The following TRIM67 variants were observed in gnomAD, a reference collection of about 807,000 sequenced individuals.
TRIM67 encodes tripartite motif containing 67.
Under a neutral mutation model 71.0 loss-of-function variants are expected in TRIM67, and 39 were observed. That is an observed-to-expected ratio of 0.55 (90% CI 0.43 to 0.72). TRIM67 has a LOEUF of 0.72. TRIM67 is among the 30% of genes least tolerant of loss of function. The probability of loss-of-function intolerance (pLI) is 0.00; values close to 1 mark genes in which losing one functional copy is unlikely to be tolerated. For synonymous variants in TRIM67, 481 were observed against 473.9 expected (o/e 1.01, Z -0.19); for missense variants, 973 against 1,079.2 (o/e 0.90, Z 1.38).
At chr1:231,200,445 G>T (rs527954010) in intron 4 of TRIM67, among the ~76,000 whole-genome samples, 187 bp downstream of exon 4, 42 of 152,308 alleles carry the variant, frequency 2.8e-4, no homozygotes, top group African/African-American at 8.9e-4. Flanking sequence ...ACCTAATTTT[G>T]CAGCATGCAT....
At chr1:231,208,919 C>G (rs1683785913) in intron 7 of TRIM67, 28 bp from the exon 8 acceptor site, 1 of 1,544,458 alleles carries the variant, frequency 6.5e-7, no homozygotes, top group South Asian at 1.2e-5. Context: ...TCCCCTGACC[C>G]TGCTCCTCTC....
At chr1:231,166,910 C>T (rs182964824) in intron 1 of TRIM67, among the ~76,000 whole-genome samples, 1 of 152,234 alleles carries the variant, frequency 6.6e-6, no homozygotes, top group African/African-American at 2.4e-5. Flanking sequence ...TACAGGAGAG[C>T]TTTTGGTTGT....
rs542328782 is a variant in TRIM67 at position 231,202,831 on chromosome 1, A to G, written c.1535-1036A>G. The stretch of plus-strand genomic sequence containing the variant: ...GAGCCTGGCAGAGTGGATGAGCTGC[A>G]GTGGAAGAGAGAGGTCCCCTTGGAA... On this transcript the variant is annotated intron_variant, in intron 5 of 9. Coordinates refer to ENST00000366653, the MANE Select transcript of TRIM67 (RefSeq NM_001004342.5). Among the ~76,000 whole-genome samples the G allele has an allele frequency of 1.7e-4, 26 of 152,308 alleles. No homozygotes were observed. In the South Asian group the frequency reaches 4.6e-3, roughly 27 times the overall value.
At chr1:231,191,749 A>G (rs1186375202) in intron 1 of TRIM67, among the ~76,000 whole-genome samples, 1 of 152,222 alleles carries the variant, frequency 6.6e-6, no homozygotes, top group Admixed American at 6.5e-5. Context: ...TGCCCTAGAA[A>G]CAGTAGGTTT....
intron 1 of TRIM67, among the ~76,000 whole-genome samples, chr1:231,182,679 T>C (rs1682939090): frequency 6.6e-6 from 1 of 152,186 alleles, no homozygotes; most frequent in African/African-American, 2.4e-5. Context: ...GGCTTGCATC[T>C]TGAGGGTGGG....
At chr1:231,179,004 T>C (rs565201620) in intron 1 of TRIM67, among the ~76,000 whole-genome samples, 2 of 152,362 alleles carry the variant, frequency 1.3e-5, no homozygotes, top group Non-Finnish European at 1.5e-5. Flanking sequence ...TGAATATATA[T>C]GTAAGGGTAT....
intron 1 of TRIM67, among the ~76,000 whole-genome samples, chr1:231,173,514 G>A (rs1682665185): frequency 1.3e-5 from 2 of 152,214 alleles, no homozygotes; most frequent in Admixed American, 6.5e-5. Flanking sequence ...GATTCTGAAG[G>A]CAGCACATTT....
intron 1 of TRIM67, among the ~76,000 whole-genome samples, chr1:231,177,351 C>T (rs1449133033): frequency 6.6e-6 from 1 of 152,216 alleles, no homozygotes; most frequent in Non-Finnish European, 1.5e-5. Flanking sequence ...ATTGTTGTTA[C>T]AAGAGACCGG....
intron 1 of TRIM67, chr1:231,187,495 G>T: frequency 1.3e-6 from 2 of 1,503,768 alleles, no homozygotes; most frequent in Non-Finnish European, 1.8e-6. Context: ...ATCAGCCACA[G>T]GTTAAAAAAA....
At chr1:231,193,503 G>GCGCTCTCTCTCTCTCTCTCT (rs1683287533) in intron 1 of TRIM67, among the ~76,000 whole-genome samples, 4 of 81,946 alleles carry the variant, frequency 4.9e-5, no homozygotes, top group Admixed American at 1.6e-4. Flanking sequence ...TCTCTCTCAA[G>GCGCTCTCTCTCTCTCTCTCT]CTCTCTCTCT....
At chr1:231,194,165 G>A (rs1444571585) in intron 1 of TRIM67, among the ~76,000 whole-genome samples, 1 of 152,244 alleles carries the variant, frequency 6.6e-6, no homozygotes, top group African/African-American at 2.4e-5. Context: ...CTGACCAAGA[G>A]AGGAGGGGCC....
chr1:231,217,928 C>A lies in TRIM67; in HGVS notation c.*2488C>A. 3 of 1,282,232 alleles carry A rather than the reference C, an allele frequency of 2.3e-6. No homozygotes were observed. The highest frequency in any genetic ancestry group is 3.0e-6 in the Non-Finnish European group (3 of 985,438). 79.4% of individuals were successfully genotyped at this position (1,282,232 alleles called of 1,614,324 possible). A position where few individuals can be genotyped will look rare whatever the true frequency, so the allele number is the denominator to read the frequency against. On this transcript the variant is annotated 3_prime_UTR_variant, in exon 10 of 10. Transcript: ENST00000366653. ...AGAGGTGCAGCCAGGACTCCCTCCTCCCCACTGCCACCCTGAGCTTGGGGG... is the reference window on the plus strand; with the variant it reads ...AGAGGTGCAGCCAGGACTCCCTCCTACCCACTGCCACCCTGAGCTTGGGGG...
At chr1:231,170,162 T>G (rs1337643034) in intron 1 of TRIM67, among the ~76,000 whole-genome samples, 2 of 151,994 alleles carry the variant, frequency 1.3e-5, no homozygotes, top group African/African-American at 4.8e-5. Context: ...AATTTTTTAT[T>G]TTTAGTAGAG....
At chr1:231,175,494 C>T (rs1238939025) in intron 1 of TRIM67, among the ~76,000 whole-genome samples, 2 of 152,212 alleles carry the variant, frequency 1.3e-5, no homozygotes, top group Non-Finnish European at 2.9e-5. Context: ...ACAGCAACAG[C>T]AGGAGCCAGA....
intron 5 of TRIM67, among the ~76,000 whole-genome samples, chr1:231,202,691 A>G (rs776663586): frequency 2.0e-5 from 3 of 152,138 alleles, no homozygotes; most frequent in Non-Finnish European, 4.4e-5. Flanking sequence ...TAAACTAAAG[A>G]AGGAAGTCTC....
intron 9 of TRIM67, among the ~76,000 whole-genome samples, chr1:231,214,709 G>A (rs1351307906): frequency 6.6e-6 from 1 of 151,016 alleles, no homozygotes; most frequent in Admixed American, 6.6e-5. Context: ...AACCCGGGAG[G>A]CGGAGCTTCC....
intron 1 of TRIM67, among the ~76,000 whole-genome samples, chr1:231,193,928 GCTCCAC>G (rs1683302569): frequency 6.6e-6 from 1 of 152,128 alleles, no homozygotes; most frequent in African/African-American, 2.4e-5. Flanking sequence ...CTCCCACTAG[GCTCCAC>G]CTCCAAAACT....
intron 1 of TRIM67, among the ~76,000 whole-genome samples, chr1:231,176,923 A>AAAAAAAAAAAAAAAAAAAAAAC (rs1553322802): frequency 6.6e-6 from 1 of 151,036 alleles, no homozygotes; most frequent in African/African-American, 2.4e-5. Flanking sequence ...AAAAAAAAAA[A>AAAAAAAAAAAAAAAAAAAAAAC]CACCTTTCAA....
chr1:231,164,755 A>G (rs1002881746), intron 1 of TRIM67, among the ~76,000 whole-genome samples: 2 of 152,216 alleles, frequency 1.3e-5, no homozygotes, highest in Admixed American at 6.5e-5. Flanking sequence ...TGAGGAGGAA[A>G]ATAAAGTAAT....
Sources: allele counts gnomAD v4.1 joint callset (sites outside exome capture counted in the v4.1 genomes callset), GRCh38; gene constraint gnomAD v4.1.1; transcripts MANE v1.5; gene names NCBI Gene and HGNC (gene_info 2026-07-23, HGNC 2026-07-21).